GGA2: variants seen among roughly 807,000 people sequenced by gnomAD.
GGA2 encodes the protein golgi associated, gamma adaptin ear containing, ARF binding protein 2, also known as ADP-ribosylation factor-binding protein GGA2.
GGA2 carries 48 observed loss-of-function variants against 79.5 expected under a neutral mutation model. The observed-to-expected ratio is 0.60, with a 90% CI of 0.48 to 0.77. The LOEUF is 0.77. GGA2 is among the 30% of genes least tolerant of loss of function. GGA2 has a pLI of 0.00. For missense variants in GGA2, 770 were observed against 774.0 expected (o/e 0.99, Z 0.06); for synonymous variants, 317 against 302.0 (o/e 1.05, Z -0.51).
At chr16:23,489,655 C>A (rs1596987216) in intron 5 of GGA2, among the ~76,000 whole-genome samples, 1 of 152,172 alleles carries the variant, frequency 6.6e-6, no homozygotes, top group Non-Finnish European at 1.5e-5. Flanking sequence ...CCAATAGTAA[C>A]AACTAAGCTA....
chr16:23,517,069 A>G (rs1478472972), intron 2 of GGA2, among the ~76,000 whole-genome samples: 1 of 152,064 alleles, frequency 6.6e-6, no homozygotes, highest in Non-Finnish European at 1.5e-5. Flanking sequence ...ACGATAATAA[A>G]TCTTATTTAA....
At position 23,491,729 on chromosome 16, in the gene GGA2, C is replaced by T. The variant is rs1964790705; in HGVS notation, c.423G>A (p.Trp141Ter). 6.2e-7 allele frequency: 1 copy of T among 1,612,172 alleles called. No individual in the cohort carries two copies. The highest frequency in any genetic ancestry group is 8.5e-7 in the Non-Finnish European group (1 of 1,178,244). ...VIEILFSWTV[W>*]FPEDIKIRDA... is the part of the protein sequence containing the mutation. ...CTCGAATCTTGATGTCTTCCGGAAACCAGACTGTCCAACTGAAGAGTATTT... is the reference window on the plus strand; with the variant it reads ...CTCGAATCTTGATGTCTTCCGGAAATCAGACTGTCCAACTGAAGAGTATTT... The change falls in exon 5 of 17, where the codon TGG (tryptophan) becomes TGA (stop). Residue 141 changes from tryptophan to a stop codon, truncating the protein, a stop_gained. Coordinates refer to ENST00000309859, the MANE Select transcript of GGA2 (RefSeq NM_015044.4). LOFTEE classifies it high-confidence loss of function.
At chr16:23,513,339 C>A (rs1003409633), upstream of GGA2, among the ~76,000 whole-genome samples, 7 of 152,086 alleles carry the variant, frequency 4.6e-5, no homozygotes, top group African/African-American at 1.7e-4. Context: ...ACCTCCTGCC[C>A]GTCTTTCTTC....
chr16:23,516,699 C>T (rs1965105407), intron 2 of GGA2, among the ~76,000 whole-genome samples: 1 of 152,180 alleles, frequency 6.6e-6, no homozygotes. Flanking sequence ...CCACTCCCCA[C>T]CTGGCCATGC....
chr16:23,472,842 G>T (rs1471914774), intron 14 of GGA2, among the ~76,000 whole-genome samples: 1 of 151,978 alleles, frequency 6.6e-6, no homozygotes, highest in Non-Finnish European at 1.5e-5. Flanking sequence ...AGACCATCCT[G>T]GCTAACACGG....
chr16:23,476,802 T>C (rs1964581345), intron 13 of GGA2, among the ~76,000 whole-genome samples: 1 of 152,208 alleles, frequency 6.6e-6, no homozygotes, highest in Non-Finnish European at 1.5e-5. Flanking sequence ...TTCAATTATA[T>C]GGTTATTAGA....
chr16:23,492,609 C>G (rs148171125), intron 4 of GGA2, among the ~76,000 whole-genome samples: 2 of 152,158 alleles, frequency 1.3e-5, no homozygotes, highest in Admixed American at 6.5e-5. Context: ...CCTCTTGCCC[C>G]ACCAAGACCT....
At chr16:23,483,173 C>T (rs958034111) in intron 8 of GGA2, among the ~76,000 whole-genome samples, 169 bp from the exon 9 acceptor site, 4 of 152,126 alleles carry the variant, frequency 2.6e-5, no homozygotes, top group African/African-American at 7.2e-5. Context: ...GACAGAGTTT[C>T]AGAAAAAGAC....
chr16:23,512,769 A>T (rs183355156), upstream of GGA2, among the ~76,000 whole-genome samples: 1 of 126,240 alleles, frequency 7.9e-6, no homozygotes, highest in East Asian at 2.3e-4. Flanking sequence ...CAATGGTGCA[A>T]TCTCAGTTCA....
chr16:23,477,383 C>A (rs998849837), intron 13 of GGA2, among the ~76,000 whole-genome samples: 3 of 152,166 alleles, frequency 2.0e-5, no homozygotes, highest in African/African-American at 7.2e-5. Context: ...TCTCATGAGA[C>A]CTGATGGTTT....
At chr16:23,469,463 T>C in intron 15 of GGA2, 1 of 163,776 alleles carries the variant, frequency 6.1e-6, no homozygotes. Context: ...GACAGGCCCC[T>C]TCCCCTGTGA....
At chr16:23,492,752 T>A (rs60801698) in intron 4 of GGA2, among the ~76,000 whole-genome samples, 17,703 of 152,222 alleles carry the variant, frequency 0.12, 1,857 homozygotes, top group African/African-American at 0.28. Flanking sequence ...AACCCCTGAA[T>A]CTGCAGCTGG....
intron 2 of GGA2, 197 bp downstream of exon 2, chr16:23,495,497 C>T (rs545933094): frequency 9.3e-5 from 36 of 385,364 alleles, no homozygotes; most frequent in African/African-American, 6.9e-4. Flanking sequence ...GTCTCTCACT[C>T]TGTCACCCAG....
At chr16:23,474,379 A>T (rs1596977092) in intron 14 of GGA2, among the ~76,000 whole-genome samples, 1 of 150,960 alleles carries the variant, frequency 6.6e-6, no homozygotes, top group East Asian at 1.9e-4. Context: ...TTTTTTGGAG[A>T]CGGAGTCTCA....
At chr16:23,523,159 G>A (rs1965168120), upstream of GGA2, 1 of 152,306 alleles carries the variant, frequency 6.6e-6, no homozygotes. Context: ...AAGAAGGCAG[G>A]GATGGTTGGG....
At chr16:23,518,351 A>G (rs1965115653) in intron 2 of GGA2, among the ~76,000 whole-genome samples, 1 of 152,032 alleles carries the variant, frequency 6.6e-6, no homozygotes, top group Non-Finnish European at 1.5e-5. Flanking sequence ...TGGGACCACA[A>G]GTGCTCACCA....
At chr16:23,515,589 A>T (rs1965098431) in intron 2 of GGA2, among the ~76,000 whole-genome samples, 1 of 151,482 alleles carries the variant, frequency 6.6e-6, no homozygotes, top group Non-Finnish European at 1.5e-5. Flanking sequence ...AAAAAAAAAA[A>T]AAAATTAAAA....
chr16:23,489,341 C>T (rs1342081197), intron 5 of GGA2, among the ~76,000 whole-genome samples: 1 of 152,150 alleles, frequency 6.6e-6, no homozygotes, highest in Non-Finnish European at 1.5e-5. Context: ...GTCAAGCAGT[C>T]CTCTCACCTT....
At chr16:23,511,341 A>G (rs1260088048), upstream of GGA2, among the ~76,000 whole-genome samples, 3 of 144,554 alleles carry the variant, frequency 2.1e-5, no homozygotes, top group African/African-American at 7.7e-5. Context: ...TTGTATTTTT[A>G]GTAGAAACGA....
Sources: gnomAD v4.1 joint callset for allele counts (sites outside exome capture counted in the v4.1 genomes callset) on GRCh38, gnomAD v4.1.1 for gene constraint, MANE v1.5 for transcripts, NCBI Gene and HGNC (gene_info 2026-07-23, HGNC 2026-07-21) for gene names.